Variants in STON1 observed in about 807,000 individuals in gnomAD.
STON1 encodes stonin 1.
STON1 carries 79 observed loss-of-function variants against 60.9 expected under a neutral mutation model. The observed-to-expected ratio is 1.30, with a 90% confidence interval of 1.08 to 1.56. The LOEUF (loss-of-function observed/expected upper bound fraction) is 1.56. STON1 is among the 40% of genes most tolerant of loss of function. The pLI, the probability that STON1 is intolerant of heterozygous loss-of-function variation, is 0.00. For missense variants in STON1, 1,166 were observed against 858.9 expected, an observed-to-expected ratio of 1.36 and a Z score of -4.47; for synonymous variants, 363 against 306.9, an observed-to-expected ratio of 1.18 and a Z score of -1.91.
chr2:48,557,350 G>A (rs1233539695), intron 1 of STON1, among the ~76,000 whole-genome samples: 1 of 98,034 alleles, frequency 1.0e-5, no homozygotes, highest in Non-Finnish European at 2.2e-5. Flanking sequence ...CGGCGGGGCA[G>A]AGGCGCTCCC....
Position 48,582,383 on chromosome 2 carries a change from A to G in STON1, c.1750A>G (p.Thr584Ala). 6.2e-7 allele frequency: 1 copy of G among 1,614,144 alleles called. No individual in the cohort carries two copies. Among genetic ancestry groups the G allele is most frequent in the Non-Finnish European group, 8.5e-7 (1 of 1,180,022 alleles). ...ATCGCAGTGGATCAAGGCCCTTTGG[A>G]CCATGAACCTCCAGAGGCAGAAGTC... is the stretch of plus-strand genomic sequence containing the variant. ...VPSQWIKALW[T>A]MNLQRQKSLK... Residue 584 changes from threonine (T) to alanine (A), a missense_variant, in exon 2 of 4, where the codon ACC becomes GCC. Thr to Ala is a moderately conservative substitution (Grantham distance 58). Transcript: ENST00000404752.
chr2:48,569,764 G>T (rs564900505), intron 1 of STON1, among the ~76,000 whole-genome samples: 1 of 152,266 alleles, frequency 6.6e-6, no homozygotes, highest in African/African-American at 2.4e-5. Context: ...ATTGTTACAG[G>T]TTGAGTATCC....
At chr2:48,584,556 C>T (rs1262890543) in intron 2 of STON1, among the ~76,000 whole-genome samples, 2 of 152,094 alleles carry the variant, frequency 1.3e-5, no homozygotes, top group Admixed American at 1.3e-4. Flanking sequence ...GTGTGAGCCA[C>T]CATGCCTGGC....
chr2:48,582,306 A>G lies in STON1; in HGVS notation c.1673A>G (p.Tyr558Cys), dbSNP rs138404319. The G allele has an allele frequency of 2.5e-4, 400 of 1,614,070 alleles. 1 individual carries two copies. Among genetic ancestry groups the G allele is most frequent in the Non-Finnish European group, 3.2e-4 (378 of 1,180,034 alleles). Residue 558 changes from tyrosine to cysteine, a missense_variant, in exon 2 of 4, where the codon TAT (tyrosine) becomes TGT (cysteine). Coordinates refer to ENST00000404752, the MANE Select transcript of STON1 (RefSeq NM_006873.4). ...GCCTCATTGGCGCAGAGGTCATCCT[A>G]TGCTGGTTCCTTAAGGTCCTGTGAC... is the stretch of plus-strand genomic sequence containing the variant. ...NMASLAQRSSYAGSLRSCDNI... is the reference protein window; with the variant it reads ...NMASLAQRSSCAGSLRSCDNI...
At chr2:48,580,127 C>T (rs62135237) in intron 1 of STON1, among the ~76,000 whole-genome samples, 4 of 152,084 alleles carry the variant, frequency 2.6e-5, no homozygotes, top group East Asian at 1.9e-4. Context: ...AGACTGCTCT[C>T]GAACTGCTGA....
At chr2:48,569,274 C>T (rs1673084063) in intron 1 of STON1, among the ~76,000 whole-genome samples, 1 of 152,190 alleles carries the variant, frequency 6.6e-6, no homozygotes, top group Non-Finnish European at 1.5e-5. Context: ...CCTTAAATGT[C>T]TTCCTAACCC....
In STON1 at chr2:48,584,515, G is replaced by A. The variant is rs957549150; in HGVS notation, c.1930+1952G>A. ...ACTCCTGACCTCAAGTGATCCACCCGCCTTGGCCTCCCAAAGTGTTGGGAT... is the reference window on the plus strand; with the variant it reads ...ACTCCTGACCTCAAGTGATCCACCCACCTTGGCCTCCCAAAGTGTTGGGAT... On this transcript the variant is annotated intron_variant, in intron 2 of 3. Transcript: ENST00000404752. Among the ~76,000 whole-genome samples the A allele has an allele frequency of 2.9e-4, 44 of 151,930 alleles. 1 individual carries two copies. Among genetic ancestry groups the A allele is most frequent in the African/African-American group, 8.7e-4 (36 of 41,364 alleles).
rs767361834 is a variant in STON1 at position 48,581,047 on chromosome 2, T to C, written c.414T>C (p.Ser138=). ...PTCLSHALLP[S]DHSCTHPTPK... The stretch of plus-strand genomic sequence containing the variant: ...GTTTATCCCATGCCTTGTTACCCAG[T>C]GACCACTCATGTACACATCCAACTC... The change falls in exon 2 of 4, where the codon AGT becomes AGC. Residue 138 remains serine (S), a synonymous_variant. Transcript: ENST00000404752. The C allele has an allele frequency of 6.3e-7, 1 of 1,581,860 alleles. No homozygotes were observed. The highest frequency in any genetic ancestry group is 8.6e-7 in the Non-Finnish European group (1 of 1,167,448).
chr2:48,585,539 G>A (rs1299987350), intron 2 of STON1, among the ~76,000 whole-genome samples: 4 of 152,144 alleles, frequency 2.6e-5, no homozygotes, highest in Non-Finnish European at 4.4e-5. Flanking sequence ...TTGAGCCACC[G>A]TGCCTGGCCC....
intron 1 of STON1, among the ~76,000 whole-genome samples, chr2:48,549,963 G>A (rs999992756): frequency 3.3e-5 from 5 of 152,040 alleles, no homozygotes; most frequent in African/African-American, 1.2e-4. Context: ...GAGAATATAA[G>A]TCCAGACAGG....
At chr2:48,560,411 G>A (rs1245200876) in intron 1 of STON1, among the ~76,000 whole-genome samples, 1 of 152,196 alleles carries the variant, frequency 6.6e-6, no homozygotes, top group African/African-American at 2.4e-5. Context: ...ACCCCTTAGG[G>A]ATAATGCCCT....
chr2:48,596,930 A>T lies in STON1; in HGVS notation c.*1628A>T, dbSNP rs1307497375. 3 of 151,974 alleles carry T rather than the reference A, an allele frequency of 2.0e-5. No homozygotes were observed. Among genetic ancestry groups the T allele is most frequent in the Non-Finnish European group, 2.9e-5 (2 of 68,036 alleles). The allele number at this position is 151,974 out of a possible 1,614,324, so 9.4% of individuals were successfully genotyped here. A position where few individuals can be genotyped will look rare whatever the true frequency, so the allele number is the denominator to read the frequency against. Reference sequence around the variant, plus strand: ...CAGTGTGTCATCTTGGCTCACTGCAACCTCCGCCTCCTGGGTTCAAGGGAT... The same window carrying T: ...CAGTGTGTCATCTTGGCTCACTGCATCCTCCGCCTCCTGGGTTCAAGGGAT... On this transcript the variant is annotated 3_prime_UTR_variant, in exon 4 of 4. Coordinates refer to ENST00000404752, the MANE Select transcript of STON1 (RefSeq NM_006873.4).
chr2:48,535,794 C>G (rs1478670849), intron 1 of STON1, among the ~76,000 whole-genome samples: 5 of 151,890 alleles, frequency 3.3e-5, no homozygotes, highest in East Asian at 1.9e-4. Context: ...TGTGATTACA[C>G]AAATTTGTGT....
At chr2:48,532,346 C>CTAAA (rs10564346) in intron 1 of STON1, among the ~76,000 whole-genome samples, 3,627 of 134,490 alleles carry the variant, frequency 0.027, 59 homozygotes, top group Admixed American at 0.037. Context: ...AAGACTCTGT[C>CTAAA]TAAATAAATA....
At chr2:48,544,058 C>G (rs1353909443) in intron 1 of STON1, among the ~76,000 whole-genome samples, 4 of 152,170 alleles carry the variant, frequency 2.6e-5, no homozygotes, top group Non-Finnish European at 5.9e-5. Context: ...TGTTTCACAA[C>G]AGTCATTTAT....
chr2:48,557,309 G>C (rs1284430990), intron 1 of STON1, among the ~76,000 whole-genome samples: 3 of 86,082 alleles, frequency 3.5e-5, no homozygotes, highest in Admixed American at 3.3e-4. Flanking sequence ...GTCTCGGCCG[G>C]GCAGAGGCGC....
At chr2:48,592,660 C>T (rs1674590783) in intron 3 of STON1, among the ~76,000 whole-genome samples, 2 of 150,524 alleles carry the variant, frequency 1.3e-5, no homozygotes, top group East Asian at 3.9e-4. Flanking sequence ...GGGGTTTTGC[C>T]ATGTTGGCCA....
chr2:48,563,212 G>C (rs113049752), intron 1 of STON1, among the ~76,000 whole-genome samples: 16 of 152,324 alleles, frequency 1.1e-4, no homozygotes, highest in African/African-American at 3.8e-4. Flanking sequence ...GAGAGTCCTG[G>C]GGCCTATGGG....
intron 1 of STON1, among the ~76,000 whole-genome samples, chr2:48,574,032 G>A (rs1673347775): frequency 6.6e-6 from 1 of 152,162 alleles, no homozygotes; most frequent in Non-Finnish European, 1.5e-5. Flanking sequence ...GGGAGTATGT[G>A]GAGTGACTAC....
Sources: gnomAD v4.1 joint callset for allele counts (sites outside exome capture counted in the v4.1 genomes callset) on GRCh38, gnomAD v4.1.1 for gene constraint, MANE v1.5 for transcripts, NCBI Gene and HGNC (gene_info 2026-07-23, HGNC 2026-07-21) for gene names.